RORB: variants seen among roughly 807,000 people sequenced by gnomAD.
The protein encoded by RORB is RAR related orphan receptor B.
In RORB, 6 loss-of-function variants were observed where a neutral mutation model predicts 59.1. That is an observed-to-expected ratio of 0.10 (90% CI 0.06 to 0.20). The LOEUF is 0.20. Among genes scored for constraint, RORB ranks in the 10% least tolerant of loss-of-function variants. The pLI, the probability that RORB is intolerant of heterozygous loss-of-function variation, is 1.00. For missense variants in RORB, 320 were observed against 560.5 expected (o/e 0.57, Z 4.33); for synonymous variants, 215 against 204.5 (o/e 1.05, Z -0.44).
At chr9:74,645,076 T>C (rs1823873269) in intron 4 of RORB, among the ~76,000 whole-genome samples, 1 of 152,206 alleles carries the variant, frequency 6.6e-6, no homozygotes, top group Non-Finnish European at 1.5e-5. Context: ...TATCTTTAAA[T>C]ATGTTTCAAA....
chr9:74,596,064 A>G (rs1822966491), intron 1 of RORB, among the ~76,000 whole-genome samples: 2 of 152,192 alleles, frequency 1.3e-5, no homozygotes, highest in Non-Finnish European at 2.9e-5. Flanking sequence ...AATGCAAGTC[A>G]CTTTTCTTCT....
intron 1 of RORB, among the ~76,000 whole-genome samples, chr9:74,597,506 A>G (rs1412955787): frequency 6.6e-6 from 1 of 152,246 alleles, no homozygotes; most frequent in African/African-American, 2.4e-5. Flanking sequence ...AAGCATAACT[A>G]TATCATTTTG....
chr9:74,540,965 G>A (rs986784203), intron 1 of RORB, among the ~76,000 whole-genome samples: 1 of 152,036 alleles, frequency 6.6e-6, no homozygotes, highest in African/African-American at 2.4e-5. Context: ...CTATGAAGGT[G>A]CCTGAGAAAA....
chr9:74,671,809 C>T lies in RORB; in HGVS notation c.1132C>T (p.Pro378Ser). 6.2e-7 allele frequency: 1 copy of T among 1,611,766 alleles called. No homozygotes were observed. The highest frequency in any genetic ancestry group is 1.1e-5 in the South Asian group (1 of 90,858). ...ISPDRAWLIE[P>S]RKVQKLQEKI... The stretch of plus-strand genomic sequence containing the variant: ...ATCAGACCGAGCCTGGCTTATAGAA[C>T]CAAGGAAAGTCCAGAAGCTTCAGGA... The change falls in exon 9 of 10, where the codon CCA becomes TCA. Residue 378 changes from proline (P) to serine (S), a missense_variant. Pro to Ser is a moderately conservative substitution (Grantham distance 74). This residue lies in a region of RORB where 109 missense variants were observed against 171.0 expected (regional missense o/e 0.64). Transcript: ENST00000376896.
chr9:74,503,208 A>G (rs1311218414), intron 1 of RORB, among the ~76,000 whole-genome samples: 6 of 152,074 alleles, frequency 3.9e-5, no homozygotes, highest in African/African-American at 1.4e-4. Flanking sequence ...ACTCTAAACA[A>G]AAAGTATTAT....
At chr9:74,551,931 C>T (rs1218947819) in intron 1 of RORB, among the ~76,000 whole-genome samples, 1 of 152,058 alleles carries the variant, frequency 6.6e-6, no homozygotes, top group Non-Finnish European at 1.5e-5. Context: ...CTAGATGGAG[C>T]ATATTCAGGG....
At chr9:74,611,456 A>G (rs1823230732) in intron 1 of RORB, among the ~76,000 whole-genome samples, 1 of 152,234 alleles carries the variant, frequency 6.6e-6, no homozygotes, top group Non-Finnish European at 1.5e-5. Flanking sequence ...TTTTCTTTTT[A>G]AACTATCTCT....
chr9:74,627,790 T>A (rs1228240048), intron 1 of RORB, among the ~76,000 whole-genome samples: 1 of 151,902 alleles, frequency 6.6e-6, no homozygotes, highest in Non-Finnish European at 1.5e-5. Context: ...ATTTGAAAGG[T>A]TATTGCTAAA....
intron 1 of RORB, among the ~76,000 whole-genome samples, chr9:74,539,037 C>T (rs1463907908): frequency 6.6e-6 from 1 of 152,138 alleles, no homozygotes; most frequent in Admixed American, 6.6e-5. Context: ...CTGACCTACA[C>T]TCCCTGCCCC....
intron 1 of RORB, among the ~76,000 whole-genome samples, chr9:74,522,418 A>G (rs540440551): frequency 1.1e-4 from 16 of 151,902 alleles, no homozygotes; most frequent in Admixed American, 6.6e-4. Context: ...CTCTCCAGGA[A>G]CAACTAACCA....
rs529645192 is a variant in RORB, at chr9:74,531,717, T to C, written c.7+33734T>C. On this transcript the variant is annotated intron_variant, in intron 1 of 9. Transcript: ENST00000376896. The stretch of plus-strand genomic sequence containing the variant: ...AGCCCTACATTTTTTAATGATATCT[T>C]CTTTTGAAAGAAAAATAAGTACAAA... Among the ~76,000 whole-genome samples, 61 of 152,116 alleles carry C rather than the reference T, an allele frequency of 4.0e-4. 1 individual carries two copies. The highest frequency in any genetic ancestry group is 4.1e-4 in the South Asian group (2 of 4,828).
At chr9:74,579,127 AG>A (rs1278678226) in intron 1 of RORB, among the ~76,000 whole-genome samples, 1 of 152,154 alleles carries the variant, frequency 6.6e-6, no homozygotes, top group African/African-American at 2.4e-5. Context: ...TTCCTCATCT[AG>A]ACTAATAAGC....
At chr9:74,509,484 A>G (rs1306823080) in intron 1 of RORB, among the ~76,000 whole-genome samples, 1 of 152,114 alleles carries the variant, frequency 6.6e-6, no homozygotes, top group Non-Finnish European at 1.5e-5. Flanking sequence ...AGCTATGAAG[A>G]CAATAAAAAA....
intron 1 of RORB, among the ~76,000 whole-genome samples, chr9:74,512,680 A>G (rs946224179): frequency 3.9e-5 from 6 of 152,300 alleles, no homozygotes; most frequent in South Asian, 2.1e-4. Flanking sequence ...CAAAATGCCC[A>G]TAATGCTGAG....
rs1019984644 is a variant in RORB at position 74,675,332 on chromosome 9, T to A, written c.1224+3431T>A. The stretch of plus-strand genomic sequence containing the variant: ...AAAAATACATACATATATATATATA[T>A]AAAATAAATATACATATATATTTTT... On this transcript the variant is annotated intron_variant, in intron 9 of 9. Coordinates refer to ENST00000376896, the MANE Select transcript of RORB (RefSeq NM_006914.4). Among the ~76,000 whole-genome samples, 12 of 150,304 alleles carry A rather than the reference T, an allele frequency of 8.0e-5. 1 individual carries two copies. In the East Asian group the frequency reaches 1.9e-3, roughly 24 times the overall value.
rs149976894 is a variant in RORB at position 74,689,060 on chromosome 9, C to G, written c.*3442C>G. The stretch of plus-strand genomic sequence containing the variant: ...GGTTTGACACCCGTATATGCCCGTA[C>G]TGTCCATGACTCAACTAATCTCTTT... On this transcript the variant is annotated 3_prime_UTR_variant, in exon 10 of 10. Coordinates refer to ENST00000376896, the MANE Select transcript of RORB (RefSeq NM_006914.4). 3.3e-5 allele frequency: 5 copies of G among 152,324 alleles called. No homozygotes were observed. The highest frequency in any genetic ancestry group is 1.2e-4 in the African/African-American group (5 of 41,562). The allele number at this position is 152,324 out of a possible 1,614,324, so 9.4% of individuals were successfully genotyped here. A position where few individuals can be genotyped will look rare whatever the true frequency, so the allele number is the denominator to read the frequency against.
intron 2 of RORB, 125 bp from the exon 3 acceptor site, chr9:74,634,506 C>T (rs999686165): frequency 3.7e-6 from 3 of 803,492 alleles, no homozygotes; most frequent in African/African-American, 3.5e-5. Context: ...GAAGAGGTAT[C>T]CAAAGAGCTT....
chr9:74,684,364 T>TGTGTC lies in RORB; in HGVS notation c.1225-1099_1225-1098insGTGTC, dbSNP rs1563974344. Among the ~76,000 whole-genome samples, 3 of 152,222 alleles carry TGTGTC rather than the reference T, an allele frequency of 2.0e-5. No homozygotes were observed. In the East Asian group the frequency reaches 5.8e-4, roughly 29 times the overall value. ...ATGAGATAGGTTTTGTTTAACTGTA[T>TGTGTC]TTTTCATCAATTTCAAGTGTGTCTT... is the stretch of plus-strand genomic sequence containing the variant. On this transcript the variant is annotated intron_variant, in intron 9 of 9. Coordinates refer to ENST00000376896, the MANE Select transcript of RORB (RefSeq NM_006914.4).
chr9:74,600,006 C>T (rs1823029994), intron 1 of RORB, among the ~76,000 whole-genome samples: 1 of 152,146 alleles, frequency 6.6e-6, no homozygotes, highest in Non-Finnish European at 1.5e-5. Context: ...TTTATGCTGC[C>T]ATCTCCTGCC....
Sources: gnomAD v4.1 joint callset for allele counts (sites outside exome capture counted in the v4.1 genomes callset) on GRCh38, gnomAD v4.1.1 for gene constraint, gnomAD v4.1.1 regional missense constraint, MANE v1.5 for transcripts, NCBI Gene and HGNC (gene_info 2026-07-23, HGNC 2026-07-21) for gene names.